Variants in CACNA2D3 observed in about 807,000 individuals in gnomAD.
CACNA2D3 encodes calcium voltage-gated channel auxiliary subunit alpha2delta 3, also known as voltage-dependent calcium channel subunit alpha-2/delta-3.
CACNA2D3 carries 60 observed loss-of-function variants against 160.6 expected under a neutral mutation model. That is an observed-to-expected ratio of 0.37 (90% CI 0.30 to 0.46). CACNA2D3 has a LOEUF of 0.46. Ranked by LOEUF, CACNA2D3 falls within the 20% of genes least tolerant of loss-of-function variation. The probability of loss-of-function intolerance (pLI) is 1.00; values close to 1 mark genes in which losing one functional copy is unlikely to be tolerated. For missense variants in CACNA2D3, 1,205 were observed against 1,365.0 expected, an observed-to-expected ratio of 0.88 and a Z score of 1.85; for synonymous variants, 558 against 492.9, an observed-to-expected ratio of 1.13 and a Z score of -1.75.
chr3:54,812,381 G>A (rs1171854442), intron 13 of CACNA2D3, among the ~76,000 whole-genome samples: 1 of 152,222 alleles, frequency 6.6e-6, no homozygotes, highest in Admixed American at 6.5e-5. Context: ...GGGTAAACAA[G>A]TCTTCTTTGA....
intron 2 of CACNA2D3, among the ~76,000 whole-genome samples, chr3:54,210,415 G>A (rs1701351886): frequency 6.6e-6 from 1 of 151,794 alleles, no homozygotes; most frequent in African/African-American, 2.4e-5. Context: ...TATACACTGT[G>A]CAAAGTTTTT....
chr3:54,688,900 T>C (rs912171365), intron 11 of CACNA2D3, among the ~76,000 whole-genome samples: 8 of 140,482 alleles, frequency 5.7e-5, no homozygotes, highest in African/African-American at 1.9e-4. Flanking sequence ...GAGAATCGCT[T>C]GAACCCAGGA....
At chr3:54,681,403 A>AAAAAG (rs1700347997) in intron 11 of CACNA2D3, among the ~76,000 whole-genome samples, 1 of 139,148 alleles carries the variant, frequency 7.2e-6, no homozygotes, top group African/African-American at 2.6e-5. Context: ...AAAAAAAAAA[A>AAAAAG]AAAAAGGCCA....
At chr3:54,898,767 A>G (rs1700258335) in intron 26 of CACNA2D3, among the ~76,000 whole-genome samples, 1 of 152,184 alleles carries the variant, frequency 6.6e-6, no homozygotes, top group Non-Finnish European at 1.5e-5. Flanking sequence ...CCAAACTTTC[A>G]ATGTAATGGT....
chr3:54,508,664 C>T (rs73841630), intron 5 of CACNA2D3, among the ~76,000 whole-genome samples: 3,701 of 152,296 alleles, frequency 0.024, 147 homozygotes, highest in African/African-American at 0.084. Flanking sequence ...GGAGGACATC[C>T]GGGAGAGGTA....
intron 12 of CACNA2D3, among the ~76,000 whole-genome samples, chr3:54,754,600 C>T (rs1468912162): frequency 6.6e-6 from 1 of 152,112 alleles, no homozygotes; most frequent in Non-Finnish European, 1.5e-5. Context: ...AGCCCAGCCT[C>T]GTACCAGAGT....
chr3:54,620,917 G>A (rs2106803929), intron 9 of CACNA2D3, among the ~76,000 whole-genome samples: 1 of 152,364 alleles, frequency 6.6e-6, no homozygotes, highest in Admixed American at 6.5e-5. Context: ...GTGATGCCTA[G>A]CATACAGTTG....
At chr3:54,298,321 G>C (rs1025898655) in intron 2 of CACNA2D3, among the ~76,000 whole-genome samples, 2 of 152,228 alleles carry the variant, frequency 1.3e-5, no homozygotes, top group African/African-American at 4.8e-5. Flanking sequence ...TGGCTTCCAG[G>C]ATCCTTTCTA....
At chr3:54,924,479 C>G (rs1357149857) in intron 27 of CACNA2D3, 7 of 674,236 alleles carry the variant, frequency 1.0e-5, no homozygotes, top group African/African-American at 1.8e-5. Flanking sequence ...TTTTGCCATA[C>G]CGTGAAATGG....
At chr3:55,027,330 GAT>G (rs773837117) in intron 35 of CACNA2D3, among the ~76,000 whole-genome samples, 1 of 152,106 alleles carries the variant, frequency 6.6e-6, no homozygotes, top group Non-Finnish European at 1.5e-5. Context: ...TTTATTAGAA[GAT>G]ATATTTGAGT....
intron 35 of CACNA2D3, among the ~76,000 whole-genome samples, chr3:55,053,035 C>G (rs1575453986): frequency 6.6e-6 from 1 of 151,984 alleles, no homozygotes. Flanking sequence ...TTAAAATGCA[C>G]ATTTAGAAAA....
intron 27 of CACNA2D3, among the ~76,000 whole-genome samples, chr3:54,910,879 T>A (rs1700541259): frequency 6.6e-6 from 1 of 152,190 alleles, no homozygotes; most frequent in Non-Finnish European, 1.5e-5. Flanking sequence ...GTCCAAAACC[T>A]TTGGAGTGAT....
At chr3:54,579,947 C>G (rs770235831) in intron 8 of CACNA2D3, among the ~76,000 whole-genome samples, 8 of 152,048 alleles carry the variant, frequency 5.3e-5, no homozygotes, top group Non-Finnish European at 8.8e-5. Context: ...TGACTAAAAG[C>G]AAAGATGAAC....
chr3:54,524,583 T>C (rs1247370093), intron 5 of CACNA2D3, among the ~76,000 whole-genome samples: 1 of 152,152 alleles, frequency 6.6e-6, no homozygotes, highest in Non-Finnish European at 1.5e-5. Flanking sequence ...AAGTGAGATA[T>C]TGAAGTCCTC....
At chr3:54,688,247 G>C (rs937730379) in intron 11 of CACNA2D3, among the ~76,000 whole-genome samples, 1 of 152,130 alleles carries the variant, frequency 6.6e-6, no homozygotes, top group Non-Finnish European at 1.5e-5. Context: ...TAAATGTCCT[G>C]TGTCTCCCAA....
intron 11 of CACNA2D3, among the ~76,000 whole-genome samples, chr3:54,662,803 G>T (rs17054250): frequency 6.6e-6 from 1 of 152,142 alleles, no homozygotes; most frequent in African/African-American, 2.4e-5. Context: ...ATGTGGAAGC[G>T]GAAATTCAGT....
At position 54,863,346 on chromosome 3, in the gene CACNA2D3, G is replaced by A. The variant is rs116026140; in HGVS notation, c.1627-8193G>A. ...CTGTGTGTGTTCCTTCCTCTTTGCC[G>A]AGGAGCATTCTTTTCTCAGCGTTAC... On this transcript the variant is annotated intron_variant, in intron 17 of 37. Coordinates refer to ENST00000474759, the MANE Select transcript of CACNA2D3 (RefSeq NM_018398.3). Among the ~76,000 whole-genome samples, 387 of 152,148 alleles carry A rather than the reference G, an allele frequency of 2.5e-3. 2 individuals carry two copies. Among genetic ancestry groups the A allele is most frequent in the African/African-American group, 8.8e-3 (366 of 41,498 alleles).
intron 9 of CACNA2D3, among the ~76,000 whole-genome samples, chr3:54,598,359 A>G (rs906309344): frequency 6.6e-6 from 1 of 151,732 alleles, no homozygotes; most frequent in Non-Finnish European, 1.5e-5. Flanking sequence ...AGAAAAAAGA[A>G]AAAAATCTAC....
rs1171592787 is a variant in CACNA2D3 at position 54,501,727 on chromosome 3, C to A, written c.382-1765C>A. On this transcript the variant is annotated intron_variant, in intron 4 of 37. Transcript: ENST00000474759. ...GAGCCACTGTGCCTGGCCAAACATT[C>A]TTCCTGTCTTAATGCAGATGAGAAT... Among the ~76,000 whole-genome samples the A allele has an allele frequency of 2.0e-5, 3 of 152,108 alleles. No individual in the cohort carries two copies. In the East Asian group the frequency reaches 5.8e-4, roughly 29 times the overall value.
Sources: allele counts gnomAD v4.1 joint callset (sites outside exome capture counted in the v4.1 genomes callset), GRCh38; gene constraint gnomAD v4.1.1; transcripts MANE v1.5; gene names NCBI Gene and HGNC (gene_info 2026-07-23, HGNC 2026-07-21).